The following NUMB variants were observed in gnomAD, a reference collection of about 807,000 sequenced individuals.
NUMB encodes the protein NUMB endocytic adaptor protein, also known as protein numb homolog.
Under a neutral mutation model 59.7 loss-of-function variants are expected in NUMB, and 29 were observed. The observed-to-expected ratio is 0.49, with a 90% CI of 0.36 to 0.66. The LOEUF (loss-of-function observed/expected upper bound fraction) is 0.66, where lower values mean the gene tolerates loss of function less well. Among genes scored for constraint, NUMB ranks in the 30% least tolerant of loss-of-function variants. NUMB has a pLI of 0.00. For missense variants in NUMB, 723 were observed against 822.0 expected, an observed-to-expected ratio of 0.88 and a Z score of 1.47; for synonymous variants, 288 against 288.2, an observed-to-expected ratio of 1.00 and a Z score of 0.01.
intron 2 of NUMB, among the ~76,000 whole-genome samples, chr14:73,390,710 C>T (rs1227341299): frequency 3.4e-5 from 4 of 117,168 alleles, no homozygotes; most frequent in Non-Finnish European, 4.8e-5. Flanking sequence ...AGTGCAGTGG[C>T]GTGATCTCAG....
chr14:73,414,551 A>G (rs543551804), intron 1 of NUMB, among the ~76,000 whole-genome samples: 11 of 151,102 alleles, frequency 7.3e-5, no homozygotes, highest in African/African-American at 2.7e-4. Context: ...AGCCAGCAAC[A>G]CCCAGCTAAT....
chr14:73,444,517 G>T (rs1316257249), intron 1 of NUMB, among the ~76,000 whole-genome samples: 2 of 151,804 alleles, frequency 1.3e-5, no homozygotes, highest in Non-Finnish European at 2.9e-5. Context: ...CTGAATTGAG[G>T]CAAGCCTTTA....
intron 5 of NUMB, among the ~76,000 whole-genome samples, chr14:73,320,990 T>C (rs969309774): frequency 6.6e-6 from 1 of 152,088 alleles, no homozygotes; most frequent in Non-Finnish European, 1.5e-5. Flanking sequence ...TGTACTTTTT[T>C]GGTTCATTTG....
chr14:73,430,944 C>CA (rs202099636), intron 1 of NUMB, among the ~76,000 whole-genome samples: 86 of 139,454 alleles, frequency 6.2e-4, no homozygotes, highest in East Asian at 8.5e-4. Flanking sequence ...GACTCCATCT[C>CA]AAAAAAAAAA....
chr14:73,366,292 T>C (rs180973370), intron 3 of NUMB, among the ~76,000 whole-genome samples: 3 of 152,326 alleles, frequency 2.0e-5, no homozygotes, highest in East Asian at 3.9e-4. Flanking sequence ...GAATGAATGA[T>C]ATTCTTTAGA....
At position 73,285,874 on chromosome 14, in the gene NUMB, G is replaced by A. The variant is rs901158578; in HGVS notation, c.655+1236C>T. ...CCAGGAGGTGAAGGCGGCAGTCAGC[G>A]GAGACTGCGCCACTACATTCCAGCC... On this transcript the variant is annotated intron_variant, in intron 9 of 12. Transcript: ENST00000555238. Among the ~76,000 whole-genome samples, 8 of 151,384 alleles carry A rather than the reference G, an allele frequency of 5.3e-5. No individual in the cohort carries two copies. The South Asian group carries it at 8.3e-4, about 16-fold the overall frequency.
At chr14:73,332,502 T>C (rs1892040606) in intron 4 of NUMB, among the ~76,000 whole-genome samples, 3 of 151,940 alleles carry the variant, frequency 2.0e-5, no homozygotes, top group Non-Finnish European at 4.4e-5. Flanking sequence ...GATCAGATGA[T>C]CCATCCACCT....
Position 73,297,479 on chromosome 14 carries a change from C to G in NUMB, c.235-194G>C, listed in dbSNP as rs1889858570. The G allele has an allele frequency of 6.9e-6, 3 of 437,466 alleles. No homozygotes were observed. In the South Asian group the frequency reaches 1.3e-4, roughly 19 times the overall value. 27.1% of individuals were successfully genotyped at this position (437,466 alleles called of 1,614,324 possible). A position where few individuals can be genotyped will look rare whatever the true frequency, so the allele number is the denominator to read the frequency against. On this transcript the variant is annotated intron_variant, in intron 6 of 12. Transcript: ENST00000555238. Reference sequence around the variant, plus strand: ...ACATTCAGGAAAAAACAAGCCAAAGCCATTATTTTAGAAACACAACGCAAA... The same window carrying G: ...ACATTCAGGAAAAAACAAGCCAAAGGCATTATTTTAGAAACACAACGCAAA...
intron 4 of NUMB, among the ~76,000 whole-genome samples, chr14:73,342,639 A>T (rs896172882): frequency 1.3e-5 from 2 of 152,238 alleles, no homozygotes; most frequent in Non-Finnish European, 2.9e-5. Context: ...AGGAAAAAAC[A>T]TGCAGATAAA....
At position 73,275,803 on chromosome 14, in the gene NUMB, C is replaced by T. The variant is rs1364010284; in HGVS notation, c.*775G>A. The T allele has an allele frequency of 6.6e-6, 1 of 152,606 alleles. No homozygotes were observed. The highest frequency in any genetic ancestry group is 1.5e-5 in the Non-Finnish European group (1 of 68,030). The allele number at this position is 152,606 out of a possible 1,614,324, so 9.5% of individuals were successfully genotyped here. A position where few individuals can be genotyped will look rare whatever the true frequency, so the allele number is the denominator to read the frequency against. ...CAATGAATGACTGACAGAAAACAAG[C>T]TAGGGATCCTGTCTGCAGCTTCCAG... On this transcript the variant is annotated 3_prime_UTR_variant, in exon 13 of 13. Transcript: ENST00000555238.
intron 12 of NUMB, among the ~76,000 whole-genome samples, chr14:73,277,856 G>C (rs1379910466): frequency 6.6e-6 from 1 of 151,860 alleles, no homozygotes; most frequent in South Asian, 2.1e-4. Context: ...TCAAGAGATC[G>C]AGACTATCCT....
At chr14:73,397,155 T>C (rs1896178846) in intron 2 of NUMB, among the ~76,000 whole-genome samples, 2 of 151,458 alleles carry the variant, frequency 1.3e-5, no homozygotes, top group Non-Finnish European at 2.9e-5. Context: ...CAAAACAAAA[T>C]AACCACAGAT....
At chr14:73,414,069 CT>C (rs1595010065) in intron 1 of NUMB, among the ~76,000 whole-genome samples, 1 of 151,856 alleles carries the variant, frequency 6.6e-6, no homozygotes, top group East Asian at 1.9e-4. Flanking sequence ...ATTCTCATGC[CT>C]CAGCCTCCTG....
chr14:73,341,711 G>A (rs1044431539), intron 4 of NUMB, among the ~76,000 whole-genome samples: 3 of 152,078 alleles, frequency 2.0e-5, no homozygotes, highest in African/African-American at 7.2e-5. Flanking sequence ...TACCATGCCT[G>A]TTGTTTTGTT....
At chr14:73,307,104 T>C (rs1282780428) in intron 6 of NUMB, among the ~76,000 whole-genome samples, 1 of 152,138 alleles carries the variant, frequency 6.6e-6, no homozygotes, top group Non-Finnish European at 1.5e-5. Context: ...GGTCAGGTGA[T>C]TGAGACCACC....
intron 4 of NUMB, among the ~76,000 whole-genome samples, chr14:73,325,950 G>C (rs1052953748): frequency 9.2e-5 from 14 of 152,046 alleles, no homozygotes; most frequent in African/African-American, 3.1e-4. Flanking sequence ...TCCCCCTTTT[G>C]CTTTTTTCCT....
intron 12 of NUMB, among the ~76,000 whole-genome samples, 167 bp downstream of exon 12, chr14:73,279,114 G>A (rs1339196160): frequency 1.3e-5 from 2 of 152,172 alleles, no homozygotes; most frequent in Non-Finnish European, 2.9e-5. Flanking sequence ...GATCTCTTTT[G>A]TTCTCCTTCA....
At position 73,276,949 on chromosome 14, in the gene NUMB, T is replaced by G; in HGVS notation, c.1585A>C (p.Ile529Leu). The G allele has an allele frequency of 6.2e-7, 1 of 1,614,156 alleles. No individual in the cohort carries two copies. Among genetic ancestry groups the G allele is most frequent in the Non-Finnish European group, 8.5e-7 (1 of 1,180,034 alleles). ...YPAPNVPVVG[I>L]TPSQMVANVF... ...TTGGCCACCATCTGGGAGGGAGTGA[T>G]GCCCACCACAGGCACATTAGGGGCT... The change falls in exon 13 of 13, where the codon ATC (isoleucine) becomes CTC (leucine). Residue 529 changes from isoleucine to leucine, a missense_variant. Transcript: ENST00000555238.
chr14:73,293,589 C>T (rs932894083), intron 7 of NUMB, among the ~76,000 whole-genome samples: 1 of 152,088 alleles, frequency 6.6e-6, no homozygotes, highest in African/African-American at 2.4e-5. Flanking sequence ...AGACAGGTTT[C>T]ACTGTGTTAG....
Sources: allele counts gnomAD v4.1 joint callset (sites outside exome capture counted in the v4.1 genomes callset), GRCh38; gene constraint gnomAD v4.1.1; transcripts MANE v1.5; gene names NCBI Gene and HGNC (gene_info 2026-07-23, HGNC 2026-07-21).